Variants in SPOCK3 observed in about 807,000 individuals in gnomAD.
SPOCK3 encodes the protein SPARC (osteonectin), cwcv and kazal like domains proteoglycan 3, also known as testican-3.
SPOCK3 carries 30 observed loss-of-function variants against 56.6 expected under a neutral mutation model. The ratio of observed to expected loss-of-function variants is 0.53; its 90% confidence interval spans 0.40 to 0.72. SPOCK3 has a LOEUF of 0.72. Among genes scored for constraint, SPOCK3 ranks in the 30% least tolerant of loss-of-function variants. The pLI, the probability that SPOCK3 is intolerant of heterozygous loss-of-function variation, is 0.00. For synonymous variants in SPOCK3, 196 were observed against 183.3 expected (o/e 1.07, Z -0.56); for missense variants, 527 against 530.0 (o/e 0.99, Z 0.06).
At chr4:167,104,167 C>T (rs1293490132) in intron 2 of SPOCK3, among the ~76,000 whole-genome samples, 1 of 152,136 alleles carries the variant, frequency 6.6e-6, no homozygotes, top group Non-Finnish European at 1.5e-5. Flanking sequence ...TTCTTCAATG[C>T]CCAGACACCA....
intron 6 of SPOCK3, among the ~76,000 whole-genome samples, chr4:166,836,114 T>G (rs1387168699): frequency 6.6e-6 from 1 of 152,238 alleles, no homozygotes; most frequent in Non-Finnish European, 1.5e-5. Flanking sequence ...AGTACAATTT[T>G]ATTATAACTT....
At chr4:167,134,714 A>G (rs1762976127) in intron 2 of SPOCK3, among the ~76,000 whole-genome samples, 1 of 152,162 alleles carries the variant, frequency 6.6e-6, no homozygotes, top group Non-Finnish European at 1.5e-5. Flanking sequence ...CGTATTTACC[A>G]TTACTCAGAA....
At chr4:167,031,603 C>T (rs1580062381) in intron 3 of SPOCK3, among the ~76,000 whole-genome samples, 1 of 151,986 alleles carries the variant, frequency 6.6e-6, no homozygotes, top group South Asian at 2.1e-4. Flanking sequence ...GTCTGCTCGC[C>T]TACAGTGGAT....
intron 4 of SPOCK3, among the ~76,000 whole-genome samples, chr4:166,937,075 T>C (rs1202640357): frequency 6.6e-6 from 1 of 152,028 alleles, no homozygotes; most frequent in Admixed American, 6.6e-5. Context: ...TGTAAGAACA[T>C]AGTGTGAATA....
intron 7 of SPOCK3, among the ~76,000 whole-genome samples, chr4:166,783,196 T>C (rs1186839271): frequency 2.6e-5 from 4 of 152,110 alleles, no homozygotes; most frequent in African/African-American, 9.7e-5. Flanking sequence ...CTGTCTCTAC[T>C]GAAAATACAA....
At chr4:167,092,383 C>T (rs1374694419) in intron 2 of SPOCK3, among the ~76,000 whole-genome samples, 3 of 152,162 alleles carry the variant, frequency 2.0e-5, no homozygotes, top group Non-Finnish European at 4.4e-5. Flanking sequence ...GGGTCCCAAC[C>T]TGCTCCCTGA....
intron 5 of SPOCK3, among the ~76,000 whole-genome samples, chr4:166,907,995 A>G (rs181691185): frequency 6.6e-6 from 1 of 152,098 alleles, no homozygotes; most frequent in Non-Finnish European, 1.5e-5. Context: ...TCAGCTCTAA[A>G]TATTCAGAGG....
At chr4:166,956,547 C>G (rs1472928545) in intron 4 of SPOCK3, among the ~76,000 whole-genome samples, 1 of 152,108 alleles carries the variant, frequency 6.6e-6, no homozygotes, top group Non-Finnish European at 1.5e-5. Flanking sequence ...CATCACACTA[C>G]CCAGAGCAGC....
intron 6 of SPOCK3, among the ~76,000 whole-genome samples, chr4:166,819,330 T>G (rs1462506936): frequency 2.0e-5 from 3 of 152,036 alleles, no homozygotes; most frequent in Non-Finnish European, 4.4e-5. Context: ...AGATATCTGT[T>G]CTTACTACTT....
chr4:166,943,779 T>A (rs12644678), intron 4 of SPOCK3, among the ~76,000 whole-genome samples: 3 of 152,022 alleles, frequency 2.0e-5, no homozygotes, highest in Non-Finnish European at 2.9e-5. Flanking sequence ...TTTAGTTAGA[T>A]GTAACTCTTC....
chr4:167,062,584 C>T (rs111254191), intron 2 of SPOCK3, 47 bp from the exon 3 acceptor site: 124 of 1,416,430 alleles, frequency 8.8e-5, no homozygotes, highest in East Asian at 2.5e-4. Context: ...GTAATTAAAA[C>T]GCAAGGGTTC....
intron 3 of SPOCK3, chr4:167,011,435 T>A (rs1019864270): frequency 9.7e-6 from 2 of 205,532 alleles, no homozygotes; most frequent in African/African-American, 4.6e-5. Flanking sequence ...CAACCTCTAC[T>A]TTGTATTGTT....
chr4:167,029,428 A>G (rs1370604472), intron 3 of SPOCK3, among the ~76,000 whole-genome samples: 2 of 151,996 alleles, frequency 1.3e-5, no homozygotes, highest in African/African-American at 4.8e-5. Flanking sequence ...GTTTTATTTT[A>G]TTCTTCTTTT....
chr4:166,779,935 G>T (rs1003158871), intron 7 of SPOCK3, among the ~76,000 whole-genome samples: 1 of 152,034 alleles, frequency 6.6e-6, no homozygotes. Flanking sequence ...GACCAAAAAT[G>T]AGTTGAATAA....
At chr4:166,939,593 T>C (rs1319155430) in intron 4 of SPOCK3, among the ~76,000 whole-genome samples, 1 of 152,144 alleles carries the variant, frequency 6.6e-6, no homozygotes, top group Non-Finnish European at 1.5e-5. Context: ...GAGAAGTTAT[T>C]TGGCAAATAA....
At chr4:167,165,642 A>G (rs572194315) in intron 2 of SPOCK3, among the ~76,000 whole-genome samples, 1 of 152,240 alleles carries the variant, frequency 6.6e-6, no homozygotes, top group East Asian at 1.9e-4. Context: ...ACAATACCTG[A>G]AAGCATACAT....
intron 4 of SPOCK3, among the ~76,000 whole-genome samples, chr4:166,919,057 C>A (rs1738201877): frequency 6.6e-6 from 1 of 152,142 alleles, no homozygotes; most frequent in African/African-American, 2.4e-5. Flanking sequence ...GATTCTTGTA[C>A]AGCTTGGAGA....
At chr4:167,010,300 C>G (rs1749901667) in intron 3 of SPOCK3, among the ~76,000 whole-genome samples, 1 of 151,968 alleles carries the variant, frequency 6.6e-6, no homozygotes. Context: ...GTGGGCAGAT[C>G]ACTTGAGCTC....
intron 2 of SPOCK3, among the ~76,000 whole-genome samples, chr4:167,144,169 A>G (rs1018445288): frequency 6.6e-6 from 1 of 151,888 alleles, no homozygotes; most frequent in African/African-American, 2.4e-5. Flanking sequence ...GGTGATATCT[A>G]TAAGCTCAAC....
Sources: gnomAD v4.1 joint callset for allele counts (sites outside exome capture counted in the v4.1 genomes callset) on GRCh38, gnomAD v4.1.1 for gene constraint, MANE v1.5 for transcripts, NCBI Gene and HGNC (gene_info 2026-07-23, HGNC 2026-07-21) for gene names.